The following RUNX1T1 variants were observed in gnomAD, a reference collection of about 807,000 sequenced individuals.
RUNX1T1 encodes the protein protein CBFA2T1.
RUNX1T1 carries 4 observed loss-of-function variants against 62.8 expected under a neutral mutation model. The ratio of observed to expected loss-of-function variants is 0.06; its 90% CI spans 0.03 to 0.15. The LOEUF (loss-of-function observed/expected upper bound fraction) is 0.15, where lower values mean the gene tolerates loss of function less well. Among genes scored for constraint, RUNX1T1 ranks in the 10% least tolerant of loss-of-function variants. The probability of loss-of-function intolerance (pLI) is 1.00; values close to 1 mark genes in which losing one functional copy is unlikely to be tolerated. For missense variants in RUNX1T1, 508 were observed against 754.3 expected (o/e 0.67, Z 3.82); for synonymous variants, 291 against 286.0 (o/e 1.02, Z -0.18).
chr8:92,100,768 CTA>C (rs1472706646), upstream of RUNX1T1, among the ~76,000 whole-genome samples: 4 of 152,128 alleles, frequency 2.6e-5, no homozygotes, highest in African/African-American at 9.7e-5. Flanking sequence ...ATATTACAAA[CTA>C]GACTTTAAGG....
intron 1 of RUNX1T1, among the ~76,000 whole-genome samples, chr8:92,095,923 G>C (rs1051965384): frequency 2.0e-5 from 3 of 152,192 alleles, no homozygotes; most frequent in Admixed American, 2.0e-4. Context: ...TCTTTTGGCA[G>C]AGCCTAAGGA....
chr8:92,092,239 AT>A (rs1288459222), intron 1 of RUNX1T1, among the ~76,000 whole-genome samples: 1 of 152,196 alleles, frequency 6.6e-6, no homozygotes, highest in Non-Finnish European at 1.5e-5. Flanking sequence ...TATTATGATT[AT>A]TTAAGACATC....
At chr8:92,057,659 C>T (rs987052393) in intron 1 of RUNX1T1, among the ~76,000 whole-genome samples, 1 of 152,144 alleles carries the variant, frequency 6.6e-6, no homozygotes. Context: ...TATAATTAAG[C>T]TAGACCTTCT....
intron 10 of RUNX1T1, among the ~76,000 whole-genome samples, chr8:91,966,625 T>C (rs949151312): frequency 7.2e-5 from 11 of 152,100 alleles, no homozygotes; most frequent in Admixed American, 4.6e-4. Context: ...TGTACACAGA[T>C]AGGAAATGAA....
upstream of RUNX1T1, among the ~76,000 whole-genome samples, chr8:92,066,606 C>G (rs1264942287): frequency 1.3e-5 from 2 of 152,166 alleles, no homozygotes; most frequent in African/African-American, 4.8e-5. Flanking sequence ...ATCACTTTGA[C>G]AGTCAATTAA....
chr8:92,023,433 A>T (rs1824507794), intron 1 of RUNX1T1, among the ~76,000 whole-genome samples: 1 of 152,176 alleles, frequency 6.6e-6, no homozygotes, highest in Non-Finnish European at 1.5e-5. Flanking sequence ...GATGATCATA[A>T]CTAGCCTTCT....
At chr8:92,101,069 C>T (rs1726232300), upstream of RUNX1T1, among the ~76,000 whole-genome samples, 1 of 152,192 alleles carries the variant, frequency 6.6e-6, no homozygotes, top group African/African-American at 2.4e-5. Flanking sequence ...GGCACAGACC[C>T]AGTTCCACTC....
chr8:91,990,231 T>C (rs1817386638), intron 6 of RUNX1T1, among the ~76,000 whole-genome samples: 1 of 152,220 alleles, frequency 6.6e-6, no homozygotes. Flanking sequence ...GTAGTGAATA[T>C]CTGGCTGGCT....
intron 5 of RUNX1T1, chr8:92,003,516 T>C (rs1820162247): frequency 2.5e-6 from 1 of 394,052 alleles, no homozygotes; most frequent in South Asian, 1.9e-5. Context: ...ATCTTAGCTA[T>C]CTAAATCTTT....
chr8:92,056,303 T>G (rs1162083245), intron 1 of RUNX1T1, among the ~76,000 whole-genome samples: 1 of 152,162 alleles, frequency 6.6e-6, no homozygotes, highest in Non-Finnish European at 1.5e-5. Flanking sequence ...CTTGTTAAAG[T>G]CATAAACACA....
At chr8:92,101,949 C>CCA (rs1838057261), upstream of RUNX1T1, among the ~76,000 whole-genome samples, 1 of 152,134 alleles carries the variant, frequency 6.6e-6, no homozygotes, top group African/African-American at 2.4e-5. Flanking sequence ...GGGGGCTTCA[C>CCA]CAGAGGGGTT....
At chr8:92,024,224 CA>C (rs1563782144) in intron 1 of RUNX1T1, among the ~76,000 whole-genome samples, 1 of 150,976 alleles carries the variant, frequency 6.6e-6, no homozygotes, top group East Asian at 2.0e-4. Context: ...CCCTGGCATG[CA>C]AGGTGGAGTG....
intron 10 of RUNX1T1, among the ~76,000 whole-genome samples, chr8:91,961,867 C>G (rs1563602811): frequency 6.6e-6 from 1 of 152,236 alleles, no homozygotes. Flanking sequence ...TAACCCCAAA[C>G]AGCTGACGCT....
At chr8:92,018,165 T>C (rs1823381853) in intron 1 of RUNX1T1, among the ~76,000 whole-genome samples, 2 of 152,222 alleles carry the variant, frequency 1.3e-5, no homozygotes, top group South Asian at 4.1e-4. Flanking sequence ...TAATGGACAT[T>C]CATACTTCAG....
chr8:92,001,130 A>T (rs1357836151), intron 5 of RUNX1T1, among the ~76,000 whole-genome samples: 3 of 152,156 alleles, frequency 2.0e-5, no homozygotes, highest in Non-Finnish European at 4.4e-5. Flanking sequence ...GTTTAAGACC[A>T]GCCTGGGCAA....
chr8:92,070,267 T>G (rs1018003712), intron 2 of RUNX1T1, among the ~76,000 whole-genome samples: 4 of 152,326 alleles, frequency 2.6e-5, no homozygotes, highest in African/African-American at 9.6e-5. Flanking sequence ...TACAAAAAAG[T>G]TGGAGCTTGA....
chr8:92,063,042 T>A (rs768750998), upstream of RUNX1T1: 8 of 864,418 alleles, frequency 9.3e-6, no homozygotes, highest in Non-Finnish European at 1.1e-5. Context: ...CTACCACCCC[T>A]CACAATAAAA....
chr8:91,970,922 T>A, intron 9 of RUNX1T1, 74 bp from the exon 11 acceptor site: 1 of 1,271,002 alleles, frequency 7.9e-7, no homozygotes, highest in Non-Finnish European at 1.0e-6. Context: ...ACGGATTACT[T>A]TTCTTTTAAT....
intron 1 of RUNX1T1, among the ~76,000 whole-genome samples, chr8:92,060,551 ATAT>A (rs1309882395): frequency 1.6e-3 from 152 of 95,324 alleles, no homozygotes; most frequent in Non-Finnish European, 2.7e-3. Context: ...ATATATATAT[ATAT>A]GTGTGTGTGT....
Sources: gnomAD v4.1 joint callset for allele counts (sites outside exome capture counted in the v4.1 genomes callset) on GRCh38, gnomAD v4.1.1 for gene constraint, MANE v1.5 for transcripts, NCBI Gene and HGNC (gene_info 2026-07-23, HGNC 2026-07-21) for gene names.